The following CFAP45 variants were observed in gnomAD, a reference collection of about 807,000 sequenced individuals.
CFAP45 encodes the protein cilia and flagella associated protein 45.
In CFAP45, 43 loss-of-function variants were observed where a neutral mutation model predicts 75.6. The ratio of observed to expected loss-of-function variants is 0.57; its 90% CI spans 0.45 to 0.73. CFAP45 has a LOEUF of 0.73. Among genes scored for constraint, CFAP45 ranks in the 30% least tolerant of loss-of-function variants. The pLI is 0.00. For synonymous variants in CFAP45, 223 were observed against 244.6 expected (o/e 0.91, Z 0.82); for missense variants, 689 against 701.5 (o/e 0.98, Z 0.20).
chr1:159,886,770 A>G (rs1412092451), intron 5 of CFAP45, 81 bp from the exon 6 acceptor site: 2 of 1,150,888 alleles, frequency 1.7e-6, no homozygotes, highest in East Asian at 4.7e-5. Flanking sequence ...AGAATGCTAT[A>G]CTGCTGAGCA....
intron 3 of CFAP45, 122 bp downstream of exon 3, chr1:159,890,358 T>C: frequency 1.2e-6 from 1 of 863,280 alleles, no homozygotes; most frequent in Admixed American, 2.3e-5. Flanking sequence ...GGAAAACGAA[T>C]AGGAAAGAAG....
intron 10 of CFAP45, among the ~76,000 whole-genome samples, chr1:159,873,728 C>T (rs1022434956): frequency 2.0e-4 from 30 of 152,300 alleles, no homozygotes; most frequent in African/African-American, 7.0e-4. Context: ...AATTATGCAA[C>T]CAGTCTTACA....
chr1:159,885,551 T>A (rs1649657770), intron 6 of CFAP45, among the ~76,000 whole-genome samples: 1 of 152,216 alleles, frequency 6.6e-6, no homozygotes, highest in Non-Finnish European at 1.5e-5. Context: ...ATTCTATAAT[T>A]TACTTGCTCT....
chr1:159,881,687 A>G (rs996412485), intron 7 of CFAP45, among the ~76,000 whole-genome samples: 1 of 152,244 alleles, frequency 6.6e-6, no homozygotes, highest in African/African-American at 2.4e-5. Context: ...CGGAGATCAG[A>G]GTACCAATGT....
intron 1 of CFAP45, 187 bp downstream of exon 1, chr1:159,899,909 G>T: frequency 1.7e-6 from 1 of 602,534 alleles, no homozygotes; most frequent in Non-Finnish European, 3.0e-6. Flanking sequence ...CGTTATCGAT[G>T]CTATCCCTAA....
intron 1 of CFAP45, among the ~76,000 whole-genome samples, chr1:159,896,516 C>T (rs1379527265): frequency 6.6e-6 from 1 of 152,216 alleles, no homozygotes; most frequent in Non-Finnish European, 1.5e-5. Context: ...GAATCAAGCA[C>T]AAATGTAAAG....
intron 10 of CFAP45, chr1:159,876,347 G>C: frequency 1.7e-6 from 1 of 593,430 alleles, no homozygotes; most frequent in Non-Finnish European, 3.0e-6. Flanking sequence ...AGCAATTCCA[G>C]GTGCTATCTC....
At chr1:159,874,883 T>C (rs1649362529) in intron 10 of CFAP45, among the ~76,000 whole-genome samples, 1 of 152,232 alleles carries the variant, frequency 6.6e-6, no homozygotes, top group Non-Finnish European at 1.5e-5. Context: ...AAGACAGCTA[T>C]CTCTGCTTAG....
intron 2 of CFAP45, among the ~76,000 whole-genome samples, 175 bp downstream of exon 2, chr1:159,893,004 CA>C (rs1649862935): frequency 1.3e-5 from 2 of 152,216 alleles, no homozygotes; most frequent in South Asian, 2.1e-4. Context: ...TCCCTGTTTA[CA>C]TAGGCCCCAC....
chr1:159,890,761 T>C (rs1649810175), intron 2 of CFAP45, 139 bp from the exon 3 acceptor site: 12 of 586,180 alleles, frequency 2.0e-5, no homozygotes, highest in African/African-American at 2.0e-5. Flanking sequence ...TCTTTTCTTT[T>C]TTTTTTTTTT....
Position 159,876,663 on chromosome 1 carries a change from T to C in CFAP45, c.1245A>G (p.Glu415=). ...GACTTTTTCGCAGCTCAGCCTCTGTTTCCATCTTCTTCCGCGCATTTTCCT... is the reference window on the plus strand; with the variant it reads ...GACTTTTTCGCAGCTCAGCCTCTGTCTCCATCTTCTTCCGCGCATTTTCCT... ...KEKENARKKM[E]TEAELRKSRL... The change falls in exon 10 of 12, where the codon GAA becomes GAG. Residue 415 remains glutamate (E), a synonymous_variant. Coordinates refer to ENST00000368099, the MANE Select transcript of CFAP45 (RefSeq NM_012337.3). The C allele has an allele frequency of 6.2e-7, 1 of 1,614,170 alleles. No homozygotes were observed. Among genetic ancestry groups the C allele is most frequent in the Non-Finnish European group, 8.5e-7 (1 of 1,180,020 alleles).
rs146821209 is a variant in CFAP45 at position 159,892,818 on chromosome 1, C to T, written c.129+362G>A. Among the ~76,000 whole-genome samples the T allele has an allele frequency of 1.1e-3, 175 of 152,260 alleles. 4 individuals are homozygous for T. The East Asian group carries it at 0.025, about 22-fold the overall frequency. The stretch of plus-strand genomic sequence containing the variant: ...CTGATGCTATTATCCTTGGATGGAG[C>T]GGGGAAGATGTTGCTATTGTCTGCA... On this transcript the variant is annotated intron_variant, in intron 2 of 11. Coordinates refer to ENST00000368099, the MANE Select transcript of CFAP45 (RefSeq NM_012337.3).
chr1:159,878,753 T>TCAAAAAAAAAAAAAAAAAAAAAAAA, intron 8 of CFAP45, among the ~76,000 whole-genome samples: 1 of 32,486 alleles, frequency 3.1e-5, no homozygotes, highest in Non-Finnish European at 5.8e-5. Context: ...AGACTACATC[T>TCAAAAAAAAAAAAAAAAAAAAAAAA]AAAAAAAAAA....
At position 159,887,822 on chromosome 1, in the gene CFAP45, G is replaced by A. The variant is rs1649726471; in HGVS notation, c.588+19C>T. On this transcript the variant is annotated intron_variant, in intron 5 of 11. Coordinates refer to ENST00000368099, the MANE Select transcript of CFAP45 (RefSeq NM_012337.3). ...ATGGCAGTGAATGCTCAGAGGGAAG[G>A]GAGAGACGAAGAGCCCACCTTGCTC... 1.2e-6 allele frequency: 2 copies of A among 1,602,846 alleles called. No individual in the cohort carries two copies. The highest frequency in any genetic ancestry group is 1.7e-6 in the Non-Finnish European group (2 of 1,173,374).
At chr1:159,879,251 T>C in intron 8 of CFAP45, among the ~76,000 whole-genome samples, 1 of 152,200 alleles carries the variant, frequency 6.6e-6, no homozygotes. Context: ...TCATTTCTTA[T>C]TATATCCACT....
chr1:159,886,744 G>A (rs1160453636), intron 5 of CFAP45, 55 bp from the exon 6 acceptor site: 1 of 1,442,080 alleles, frequency 6.9e-7, no homozygotes, highest in Admixed American at 1.7e-5. Flanking sequence ...TAAGTTTAAG[G>A]GGAAGAAATG....
At chr1:159,872,812 TG>T in intron 11 of CFAP45, 131 bp downstream of exon 11, 1 of 905,304 alleles carries the variant, frequency 1.1e-6, no homozygotes, top group Non-Finnish European at 1.7e-6. Context: ...GAGCCCTGGG[TG>T]GGGAGAAGAG....
intron 5 of CFAP45, 59 bp downstream of exon 5, chr1:159,887,782 G>T: frequency 6.8e-7 from 1 of 1,470,856 alleles, no homozygotes; most frequent in South Asian, 1.2e-5. Flanking sequence ...GCGGGAATAA[G>T]GGGAGGGCGG....
At chr1:159,892,756 G>A (rs913215889) in intron 2 of CFAP45, among the ~76,000 whole-genome samples, 7 of 152,154 alleles carry the variant, frequency 4.6e-5, no homozygotes, top group African/African-American at 7.2e-5. Context: ...TGTTTTAGTT[G>A]AGCAACTGGG....
Sources: allele counts gnomAD v4.1 joint callset (sites outside exome capture counted in the v4.1 genomes callset), GRCh38; gene constraint gnomAD v4.1.1; transcripts MANE v1.5; gene names NCBI Gene and HGNC (gene_info 2026-07-23, HGNC 2026-07-21).